The following PRKN variants were observed in gnomAD, a reference collection of about 807,000 sequenced individuals.
PRKN encodes parkin RBR E3 ubiquitin protein ligase.
In PRKN, 56 loss-of-function variants were observed where a neutral mutation model predicts 59.5. That is an observed-to-expected ratio of 0.94 (90% confidence interval 0.76 to 1.18). The LOEUF is 1.18. Among genes scored for constraint, PRKN ranks in the 50% most tolerant of loss-of-function variants. The pLI is 0.00. For missense variants in PRKN, 657 were observed against 596.4 expected (o/e 1.10, Z -1.06); for synonymous variants, 250 against 222.1 (o/e 1.13, Z -1.12).
intron 7 of PRKN, among the ~76,000 whole-genome samples, chr6:161,644,729 T>C (rs777544595): frequency 8.5e-5 from 13 of 152,156 alleles, no homozygotes; most frequent in Non-Finnish European, 1.9e-4. Flanking sequence ...AGAGAGTCTA[T>C]TTGAGAGCAG....
intron 1 of PRKN, among the ~76,000 whole-genome samples, chr6:162,573,468 C>A (rs1465378177): frequency 1.3e-5 from 2 of 152,168 alleles, no homozygotes; most frequent in African/African-American, 4.8e-5. Flanking sequence ...GAAACCTCCT[C>A]GTTGTGACAA....
In PRKN at chr6:162,499,145, A is replaced by G. The variant is rs528751234; in HGVS notation, c.8-55672T>C. 5.2e-4 allele frequency among the ~76,000 whole-genome samples: 79 copies of G among 152,164 alleles called. 1 individual carries two copies. The highest frequency in any genetic ancestry group is 6.8e-3 in the Middle Eastern group (2 of 294). ...TGGCCTCTCCCTGTTTCCCTGTCTTATCTCTCATCACGCCCCTACTTCCAC... is the reference window on the plus strand; with the variant it reads ...TGGCCTCTCCCTGTTTCCCTGTCTTGTCTCTCATCACGCCCCTACTTCCAC... On this transcript the variant is annotated intron_variant, in intron 1 of 11. Coordinates refer to ENST00000366898, the MANE Select transcript of PRKN (RefSeq NM_004562.3).
At chr6:162,369,436 G>T (rs1328872846) in intron 2 of PRKN, among the ~76,000 whole-genome samples, 1 of 152,128 alleles carries the variant, frequency 6.6e-6, no homozygotes, top group Admixed American at 6.5e-5. Context: ...AACATCAGGT[G>T]TGACTCTTAC....
rs1014009270 is a variant in PRKN, at chr6:161,918,835, A to G, written c.734+54467T>C. On this transcript the variant is annotated intron_variant, in intron 6 of 11. Coordinates refer to ENST00000366898, the MANE Select transcript of PRKN (RefSeq NM_004562.3). ...AAGATGTTTAATATGACTAGTAATT[A>G]GAGAACGTCTATAATGAACAAGTTG... Among the ~76,000 whole-genome samples the G allele has an allele frequency of 3.0e-4, 45 of 152,206 alleles. 1 individual carries two copies. The highest frequency in any genetic ancestry group is 2.4e-3 in the Admixed American group (37 of 15,282).
Position 161,463,117 on chromosome 6 carries a change from T to A in PRKN, c.1084-76240A>T, listed in dbSNP as rs1345948992. Among the ~76,000 whole-genome samples, 2 of 152,210 alleles carry A rather than the reference T, an allele frequency of 1.3e-5. No individual in the cohort carries two copies. Among genetic ancestry groups the A allele is most frequent in the African/African-American group, 2.4e-5 (1 of 41,450 alleles). On this transcript the variant is annotated intron_variant, in intron 9 of 11. Transcript: ENST00000366898. This position sits in a 1 kb window ranked among gnomAD's most constrained non-coding sequence, Gnocchi z 4.8. ...GCACCAAGGGGTTCCAAGGTCAGTG[T>A]GAGCCCTTCTGGCTGGAGTGGTCAG... is the stretch of plus-strand genomic sequence containing the variant.
intron 2 of PRKN, among the ~76,000 whole-genome samples, chr6:162,372,777 G>T (rs1390281088): frequency 2.6e-5 from 4 of 152,152 alleles, no homozygotes; most frequent in African/African-American, 9.7e-5. Flanking sequence ...TTAAAATACA[G>T]TTAAGAAGGG....
At chr6:161,938,857 A>G (rs1211117665) in intron 6 of PRKN, among the ~76,000 whole-genome samples, 3 of 152,186 alleles carry the variant, frequency 2.0e-5, no homozygotes, top group Non-Finnish European at 4.4e-5. Flanking sequence ...ATTGTCAGAT[A>G]CGTTTCAGCA....
intron 6 of PRKN, among the ~76,000 whole-genome samples, chr6:161,831,647 C>T (rs1447252201): frequency 6.6e-6 from 1 of 152,200 alleles, no homozygotes; most frequent in African/African-American, 2.4e-5. Context: ...ATTTTGTGGA[C>T]TCTTACTGTC....
chr6:162,239,553 T>G (rs1334597055), intron 3 of PRKN, among the ~76,000 whole-genome samples: 1 of 152,030 alleles, frequency 6.6e-6, no homozygotes, highest in Non-Finnish European at 1.5e-5. Context: ...TCCCACGGCA[T>G]CTCGGCTTCG....
At chr6:161,421,233 G>T (rs529851563) in intron 9 of PRKN, among the ~76,000 whole-genome samples, 1 of 152,130 alleles carries the variant, frequency 6.6e-6, no homozygotes, top group African/African-American at 2.4e-5. Flanking sequence ...GCTTGAGTGG[G>T]GGTACTTAAG....
At chr6:161,647,060 A>C (rs1000304192) in intron 7 of PRKN, among the ~76,000 whole-genome samples, 3 of 152,210 alleles carry the variant, frequency 2.0e-5, no homozygotes, top group Admixed American at 2.0e-4. Context: ...TCTCTGAAGG[A>C]AATTGTGCTC....
At chr6:162,299,336 G>A (rs148979361) in intron 2 of PRKN, among the ~76,000 whole-genome samples, 363 of 152,280 alleles carry the variant, frequency 2.4e-3, no homozygotes, top group South Asian at 0.011. Flanking sequence ...AAACGCTTGA[G>A]TGTCTCTCCC....
intron 9 of PRKN, among the ~76,000 whole-genome samples, chr6:161,506,289 T>C: frequency 6.6e-6 from 1 of 152,202 alleles, no homozygotes; most frequent in East Asian, 1.9e-4. Context: ...TTTGAAGCAA[T>C]TGTGAATGGG....
chr6:162,572,004 T>G (rs953271812), intron 1 of PRKN, among the ~76,000 whole-genome samples: 2 of 151,998 alleles, frequency 1.3e-5, no homozygotes, highest in African/African-American at 4.8e-5. Flanking sequence ...CAAACAGACA[T>G]TCCAGATGCA....
At chr6:162,141,820 C>T (rs529595687) in intron 4 of PRKN, among the ~76,000 whole-genome samples, 2 of 152,150 alleles carry the variant, frequency 1.3e-5, no homozygotes, top group Non-Finnish European at 2.9e-5. Context: ...TGCCCATTGT[C>T]CCATTTGATG....
intron 2 of PRKN, among the ~76,000 whole-genome samples, chr6:162,387,071 T>C (rs1193971427): frequency 1.3e-5 from 2 of 152,092 alleles, no homozygotes; most frequent in African/African-American, 2.4e-5. Context: ...TTTATTTATT[T>C]TTAAGTTACA....
In PRKN at chr6:161,356,574, C is replaced by T. The variant is rs888397850; in HGVS notation, c.1285+3514G>A. Among the ~76,000 whole-genome samples, 1 of 151,992 alleles carries T rather than the reference C, an allele frequency of 6.6e-6. No individual in the cohort carries two copies. Among genetic ancestry groups the T allele is most frequent in the Non-Finnish European group, 1.5e-5 (1 of 67,984 alleles). ...GGGCAAGCAGGGCACTGGCTGGGGA[C>T]GTGGAGTCAGAGGTGGGCAGACGCT... On this transcript the variant is annotated intron_variant, in intron 11 of 11. Transcript: ENST00000366898. The surrounding 1 kb of genome is among the most constrained non-coding windows in gnomAD (Gnocchi z 7.8).
chr6:162,186,073 T>C (rs1562566565), intron 4 of PRKN, among the ~76,000 whole-genome samples: 1 of 152,106 alleles, frequency 6.6e-6, no homozygotes, highest in Admixed American at 6.6e-5. Context: ...GGGTGTAAAA[T>C]AGTCACAGGA....
At position 161,529,057 on chromosome 6, in the gene PRKN, G is replaced by C. The variant is rs1779109278; in HGVS notation, c.1083+19797C>G. On this transcript the variant is annotated intron_variant, in intron 9 of 11. Transcript: ENST00000366898. The surrounding 1 kb of genome is among the most constrained non-coding windows in gnomAD (Gnocchi z 4.4). ...GTCTTGTTTGAATATCTTAATTTAG[G>C]AGTCTGCTACTTAAAACAGCTGTCT... Among the ~76,000 whole-genome samples, 1 of 152,176 alleles carries C rather than the reference G, an allele frequency of 6.6e-6. No individual in the cohort carries two copies. The highest frequency in any genetic ancestry group is 2.4e-5 in the African/African-American group (1 of 41,510).
Sources: gnomAD v4.1 joint callset for allele counts (sites outside exome capture counted in the v4.1 genomes callset) on GRCh38, gnomAD v4.1.1 for gene constraint, Gnocchi (gnomAD v3.1) non-coding constraint, MANE v1.5 for transcripts, NCBI Gene and HGNC (gene_info 2026-07-23, HGNC 2026-07-21) for gene names.